Variants in MRC2 observed in about 807,000 individuals in gnomAD.
The protein encoded by MRC2 is C-type mannose receptor 2.
MRC2 carries 84 observed loss-of-function variants against 206.2 expected under a neutral mutation model. The observed-to-expected ratio is 0.41, with a 90% CI of 0.34 to 0.49. The LOEUF is 0.49. Among genes scored for constraint, MRC2 ranks in the 20% least tolerant of loss-of-function variants. MRC2 has a pLI of 0.31. For missense variants in MRC2, 1,676 were observed against 2,001.5 expected (o/e 0.84, Z 3.10); for synonymous variants, 798 against 800.0 (o/e 1.00, Z 0.04).
intron 1 of MRC2, among the ~76,000 whole-genome samples, chr17:62,647,431 C>T (rs2088503826): frequency 6.6e-6 from 1 of 151,782 alleles, no homozygotes; most frequent in African/African-American, 2.4e-5. Context: ...GTGATCCACC[C>T]GCCTCGGCCT....
Position 62,692,526 on chromosome 17 carries a change from A to G in MRC2, c.*75A>G. On this transcript the variant is annotated 3_prime_UTR_variant, in exon 30 of 30. Coordinates refer to ENST00000303375, the MANE Select transcript of MRC2 (RefSeq NM_006039.5). The surrounding 1 kb of genome is among the most constrained non-coding windows in gnomAD (Gnocchi z 4.2). ...CCCTGGGTCAGTCTGGCCCCCCACC[A>G]GCTGCCTGTCCAGTTGGCCTATGGA... is the stretch of plus-strand genomic sequence containing the variant. The G allele has an allele frequency of 2.1e-6, 3 of 1,421,000 alleles. No individual in the cohort carries two copies. The highest frequency in any genetic ancestry group is 2.9e-6 in the Non-Finnish European group (3 of 1,047,914). 88.0% of individuals were successfully genotyped at this position (1,421,000 alleles called of 1,614,324 possible). A position where few individuals can be genotyped will look rare whatever the true frequency, so the allele number is the denominator to read the frequency against.
In MRC2 at chr17:62,668,408, G is replaced by C. The variant is rs181884007; in HGVS notation, c.1117+875G>C. 2.6e-3 allele frequency among the ~76,000 whole-genome samples: 387 copies of C among 150,062 alleles called. 3 individuals are homozygous for C. The highest frequency in any genetic ancestry group is 0.017 in the Middle Eastern group (5 of 292). Reference sequence around the variant, plus strand: ...TAAATTTAAAAAAAAAAAGAAAAAAGAAAGAAAAAGAAAAAAATGGATGGT... The same window carrying C: ...TAAATTTAAAAAAAAAAAGAAAAAACAAAGAAAAAGAAAAAAATGGATGGT... On this transcript the variant is annotated intron_variant, in intron 6 of 29. Transcript: ENST00000303375.
intron 20 of MRC2, 44 bp downstream of exon 20, chr17:62,682,421 A>G: frequency 2.5e-6 from 4 of 1,575,636 alleles, no homozygotes; most frequent in Non-Finnish European, 3.4e-6. Context: ...AGGGGAGAGG[A>G]CGTGAACAGG....
At position 62,666,723 on chromosome 17, in the gene MRC2, G is replaced by A; in HGVS notation, c.860-34G>A. ...GGGGAGCGGGGGAGGCTGGGGCTGG[G>A]GATCCCCTGTTCAGTGTCCCTCCTT... On this transcript the variant is annotated intron_variant, in intron 4 of 29. Transcript: ENST00000303375. The surrounding 1 kb of genome is among the most constrained non-coding windows in gnomAD (Gnocchi z 5.0). 1 of 1,606,292 alleles carries A rather than the reference G, an allele frequency of 6.2e-7. No homozygotes were observed.
rs199663063 is a variant in MRC2 at position 62,690,765 on chromosome 17, G to T, written c.4012+4G>T. The T allele has an allele frequency of 5.0e-6, 8 of 1,599,018 alleles. No homozygotes were observed. The Admixed American group carries it at 1.0e-4, about 21-fold the overall frequency. ...GGCATGAACTTCAACCCCAAAGGTG[G>T]GTGCCCTGTGTGTGGGGTGGAGAGG... On this transcript the variant is annotated splice_donor_region_variant and intron_variant, in intron 27 of 29. Transcript: ENST00000303375.
chr17:62,643,238 G>A lies in MRC2; in HGVS notation c.118+15318G>A, dbSNP rs148799085. Among the ~76,000 whole-genome samples the A allele has an allele frequency of 2.3e-3, 330 of 146,074 alleles. 1 individual carries two copies. Among genetic ancestry groups the A allele is most frequent in the African/African-American group, 7.9e-3 (310 of 39,098 alleles). ...AGCTACTCAGGAAGCTGAGGCAAGA[G>A]AATCACTTGAAACCGGGAGGTGGAG... is the stretch of plus-strand genomic sequence containing the variant. On this transcript the variant is annotated intron_variant, in intron 1 of 29. Coordinates refer to ENST00000303375, the MANE Select transcript of MRC2 (RefSeq NM_006039.5).
intron 11 of MRC2, among the ~76,000 whole-genome samples, chr17:62,677,058 G>C (rs1161283316): frequency 1.3e-5 from 2 of 152,242 alleles, no homozygotes; most frequent in Non-Finnish European, 2.9e-5. Context: ...TAAGCAGCTT[G>C]CCTGAGCCCT....
rs567388220 is a variant in MRC2, at chr17:62,640,460, CA to C, written c.118+12542del. 6.8e-4 allele frequency among the ~76,000 whole-genome samples: 104 copies of C among 152,220 alleles called. 1 individual carries two copies. The highest frequency in any genetic ancestry group is 2.4e-3 in the African/African-American group (101 of 41,538). ...TTGCGTTTTGAAAGCAGTCCCTTCC[CA>C]ATATAGAGTGCCACAAATAATCTCA... On this transcript the variant is annotated intron_variant, in intron 1 of 29. Transcript: ENST00000303375.
At chr17:62,684,866 C>A (rs763276304) in intron 20 of MRC2, among the ~76,000 whole-genome samples, 1 of 152,188 alleles carries the variant, frequency 6.6e-6, no homozygotes, top group African/African-American at 2.4e-5. Flanking sequence ...CACGGCCAGG[C>A]GCTGTGGCTC....
intron 8 of MRC2, 31 bp from the exon 9 acceptor site, chr17:62,674,032 G>A (rs1292925274): frequency 1.3e-6 from 2 of 1,498,792 alleles, no homozygotes; most frequent in African/African-American, 2.8e-5. Context: ...GGAGGTGGGG[G>A]TTGAGATTCT....
chr17:62,690,860 C>G (rs2089101131), intron 27 of MRC2, 89 bp from the exon 28 acceptor site: 1 of 1,489,774 alleles, frequency 6.7e-7, no homozygotes, highest in Non-Finnish European at 9.0e-7. Context: ...TGTCGGGGGA[C>G]AGGGAGTCGG....
At chr17:62,668,151 G>A (rs1210238842) in intron 6 of MRC2, among the ~76,000 whole-genome samples, 4 of 152,062 alleles carry the variant, frequency 2.6e-5, no homozygotes, top group African/African-American at 9.7e-5. Flanking sequence ...GAGCTCAGTA[G>A]TTCAAGACCA....
chr17:62,689,485 G>A (rs2089075245), intron 23 of MRC2, 37 bp from the exon 24 acceptor site: 4 of 1,385,164 alleles, frequency 2.9e-6, no homozygotes, highest in Non-Finnish European at 3.9e-6. Context: ...GGTGAGGGAA[G>A]CAGAGCCCAG....
chr17:62,631,594 C>T (rs1430944182), intron 1 of MRC2, among the ~76,000 whole-genome samples: 2 of 152,112 alleles, frequency 1.3e-5, no homozygotes, highest in Admixed American at 1.3e-4. Context: ...TAGGACACCT[C>T]TCAATGTGTC....
At position 62,690,279 on chromosome 17, in the gene MRC2, A is replaced by G. The variant is rs758934268; in HGVS notation, c.3866A>G (p.Lys1289Arg). Residue 1289 changes from lysine to arginine, a missense_variant, in exon 26 of 30, where the codon AAG becomes AGG. Lys to Arg is a conservative substitution (Grantham distance 26). This residue lies in a region of MRC2 where 1,354 missense variants were observed against 1,636.6 expected (regional missense o/e 0.83). Coordinates refer to ENST00000303375, the MANE Select transcript of MRC2 (RefSeq NM_006039.5). Reference sequence around the variant, plus strand: ...CACATGGAGCTGCTGCTGGGCCACAAGGAGGCGCGACAGCGCTGCCAGAGA... The same window carrying G: ...CACATGGAGCTGCTGCTGGGCCACAGGGAGGCGCGACAGCGCTGCCAGAGA... ...SFHMELLLGH[K>R]EARQRCQRAG... 7.4e-6 allele frequency: 12 copies of G among 1,612,410 alleles called. No homozygotes were observed. The highest frequency in any genetic ancestry group is 1.7e-5 in the Admixed American group (1 of 59,934).
chr17:62,653,050 T>C (rs1345616477), intron 1 of MRC2, among the ~76,000 whole-genome samples: 1 of 151,990 alleles, frequency 6.6e-6, no homozygotes, highest in Non-Finnish European at 1.5e-5. Context: ...GCTCGGACTC[T>C]GGGGATCCAG....
intron 20 of MRC2, among the ~76,000 whole-genome samples, chr17:62,687,163 CT>C (rs898154129): frequency 2.0e-5 from 3 of 151,498 alleles, no homozygotes; most frequent in East Asian, 1.9e-4. Context: ...TACACCCTTT[CT>C]TTTTTTTTCT....
At position 62,693,217 on chromosome 17, in the gene MRC2, C is replaced by A. The variant is rs1313886646; in HGVS notation, c.*766C>A. 1.3e-5 allele frequency: 2 copies of A among 152,532 alleles called. No homozygotes were observed. The highest frequency in any genetic ancestry group is 2.4e-5 in the African/African-American group (1 of 41,424). The allele number at this position is 152,532 out of a possible 1,614,324, so 9.4% of individuals were successfully genotyped here. ...GGGAGGGCTCTGCCCCTGGAAGAGTCCCCTGTGGGGACCAAAATAAGTTCC... is the reference window on the plus strand; with the variant it reads ...GGGAGGGCTCTGCCCCTGGAAGAGTACCCTGTGGGGACCAAAATAAGTTCC... On this transcript the variant is annotated 3_prime_UTR_variant, in exon 30 of 30. Coordinates refer to ENST00000303375, the MANE Select transcript of MRC2 (RefSeq NM_006039.5).
intron 1 of MRC2, among the ~76,000 whole-genome samples, chr17:62,648,990 CCTT>C (rs1363796290): frequency 6.6e-6 from 1 of 152,212 alleles, no homozygotes; most frequent in Non-Finnish European, 1.5e-5. Context: ...GGACAGGAAG[CCTT>C]CTCTCCCTTT....
Sources: allele counts gnomAD v4.1 joint callset (sites outside exome capture counted in the v4.1 genomes callset), GRCh38; gene constraint gnomAD v4.1.1; regional missense constraint gnomAD v4.1.1; non-coding constraint Gnocchi (gnomAD v3.1); transcripts MANE v1.5; gene names NCBI Gene and HGNC (gene_info 2026-07-23, HGNC 2026-07-21).